RFT1: variants seen among roughly 807,000 people sequenced by gnomAD.
The protein encoded by RFT1 is man(5)GlcNAc(2)-PP-dolichol translocation protein RFT1.
Under a neutral mutation model 62.2 loss-of-function variants are expected in RFT1, and 43 were observed. The ratio of observed to expected loss-of-function variants is 0.69; its 90% CI spans 0.54 to 0.89. The LOEUF is 0.89. Among genes scored for constraint, RFT1 ranks in the 40% least tolerant of loss-of-function variants. The pLI is 0.00. For missense variants in RFT1, 605 were observed against 649.9 expected, an observed-to-expected ratio of 0.93 and a Z score of 0.75; for synonymous variants, 262 against 264.6, an observed-to-expected ratio of 0.99 and a Z score of 0.10.
At chr3:53,083,735 C>T (rs1454789729), downstream of RFT1, among the ~76,000 whole-genome samples, 2 of 152,246 alleles carry the variant, frequency 1.3e-5, no homozygotes, top group African/African-American at 2.4e-5. Context: ...CAGAGCTCCA[C>T]ATGGTTTCCA....
chr3:53,122,511 G>A lies in RFT1; in HGVS notation c.319C>T (p.Leu107=). The stretch of plus-strand genomic sequence containing the variant: ...ACATTAGGATCAGGCACTTCAAGCA[G>A]CTGCAACCAGATCCAGCCCAGGAAT... ...SLFLGWIWLQ[L]LEVPDPNVVP... Residue 107 remains leucine, a synonymous_variant, in exon 4 of 13, where the codon CTG becomes TTG. Transcript: ENST00000296292. The A allele has an allele frequency of 1.2e-6, 2 of 1,613,780 alleles. No individual in the cohort carries two copies. The highest frequency in any genetic ancestry group is 1.7e-6 in the Non-Finnish European group (2 of 1,179,848).
chr3:53,115,326 G>A (rs1255584470), intron 6 of RFT1, among the ~76,000 whole-genome samples: 1 of 152,072 alleles, frequency 6.6e-6, no homozygotes, highest in East Asian at 1.9e-4. Context: ...CTGTCTCATG[G>A]AGCCAGTATG....
chr3:53,070,604 T>C, the RFT1 span, among the ~76,000 whole-genome samples: 5 of 152,052 alleles, frequency 3.3e-5, no homozygotes, highest in Admixed American at 6.5e-5. Flanking sequence ...GGTTCCACCA[T>C]GTTGGCCAGG....
chr3:53,097,409 C>T (rs1316494132), intron 11 of RFT1, among the ~76,000 whole-genome samples: 2 of 152,300 alleles, frequency 1.3e-5, no homozygotes, highest in Non-Finnish European at 2.9e-5. Context: ...GGTGAGTTAC[C>T]CCACATGGGA....
the RFT1 span, among the ~76,000 whole-genome samples, chr3:53,076,185 G>A: frequency 9.2e-5 from 14 of 152,234 alleles, no homozygotes; most frequent in African/African-American, 2.2e-4. Context: ...CTGGGCAGGC[G>A]GTTGGCCCTT....
chr3:53,130,206 C>T, intron 1 of RFT1, 132 bp downstream of exon 1: 1 of 919,924 alleles, frequency 1.1e-6, no homozygotes, highest in South Asian at 1.4e-5. Context: ...CCGGTCGACC[C>T]CCCCACCCCC....
chr3:53,084,626 G>C (rs1286369892), downstream of RFT1, among the ~76,000 whole-genome samples: 1 of 152,210 alleles, frequency 6.6e-6, no homozygotes, highest in Non-Finnish European at 1.5e-5. Context: ...ACCTGTGATG[G>C]GGCACTGCAG....
At chr3:53,129,446 C>G (rs1047997958) in intron 1 of RFT1, among the ~76,000 whole-genome samples, 2 of 152,056 alleles carry the variant, frequency 1.3e-5, no homozygotes, top group African/African-American at 4.8e-5. Context: ...CAAACTCAAG[C>G]CCCATTCTGC....
rs553625688 is a variant in RFT1 at position 53,098,432 on chromosome 3, C to T, written c.1208+949G>A. ...GAGGGGGAAGGGTCCCCATTTGAGA[C>T]ACTCCCTCCCCATCCCACCCCATGG... On this transcript the variant is annotated intron_variant, in intron 11 of 12. Transcript: ENST00000296292. 3.9e-5 allele frequency among the ~76,000 whole-genome samples: 6 copies of T among 152,270 alleles called. No individual in the cohort carries two copies. In the East Asian group the frequency reaches 1.2e-3, roughly 29 times the overall value.
At chr3:53,099,711 G>A (rs898497650) in intron 10 of RFT1, among the ~76,000 whole-genome samples, 1 of 152,222 alleles carries the variant, frequency 6.6e-6, no homozygotes, top group Non-Finnish European at 1.5e-5. Context: ...GACAGGCTGG[G>A]CACGGTGGCT....
intron 2 of RFT1, 152 bp from the exon 3 acceptor site, chr3:53,123,992 C>T (rs1307803161): frequency 1.5e-5 from 10 of 657,704 alleles, no homozygotes; most frequent in South Asian, 6.7e-5. Flanking sequence ...GACCCCCTAC[C>T]GGTCTGATCC....
At chr3:53,074,912 G>A in the RFT1 span, among the ~76,000 whole-genome samples, 3 of 152,144 alleles carry the variant, frequency 2.0e-5, no homozygotes. Context: ...GGAGAAGCAG[G>A]GACTGGCCCT....
At chr3:53,108,452 C>T (rs764377538) in intron 7 of RFT1, among the ~76,000 whole-genome samples, 104 of 149,452 alleles carry the variant, frequency 7.0e-4, no homozygotes, top group Non-Finnish European at 1.2e-3. Flanking sequence ...TGCAGTGGCA[C>T]GATCTCGTTC....
chr3:53,115,675 C>T (rs1453806327), intron 6 of RFT1, among the ~76,000 whole-genome samples: 1 of 152,232 alleles, frequency 6.6e-6, no homozygotes, highest in Non-Finnish European at 1.5e-5. Context: ...TCTGTGGTCA[C>T]GAATGCCCAT....
At chr3:53,125,106 T>A (rs746087870) in intron 2 of RFT1, among the ~76,000 whole-genome samples, 1 of 152,250 alleles carries the variant, frequency 6.6e-6, no homozygotes, top group Non-Finnish European at 1.5e-5. Flanking sequence ...CAGCACTATG[T>A]AGTGCAAAAC....
At chr3:53,103,364 C>T in intron 10 of RFT1, 2 of 627,124 alleles carry the variant, frequency 3.2e-6, no homozygotes, top group Non-Finnish European at 4.0e-6. Flanking sequence ...ATGAAGTCCC[C>T]AAGACCTAAC....
At chr3:53,104,693 G>A (rs1192503761) in intron 9 of RFT1, among the ~76,000 whole-genome samples, 1 of 152,206 alleles carries the variant, frequency 6.6e-6, no homozygotes, top group Non-Finnish European at 1.5e-5. Context: ...GAGATATTGT[G>A]CATAAACTGT....
intron 9 of RFT1, 84 bp downstream of exon 9, chr3:53,105,589 G>C (rs570429921): frequency 2.7e-6 from 4 of 1,496,712 alleles, no homozygotes; most frequent in South Asian, 1.1e-5. Flanking sequence ...TCAAACAGAA[G>C]AGAAACAGAC....
chr3:53,098,788 C>T (rs1051022694), intron 11 of RFT1, among the ~76,000 whole-genome samples: 57 of 106,188 alleles, frequency 5.4e-4, no homozygotes, highest in Non-Finnish European at 7.4e-4. Context: ...GGCGACAGAG[C>T]GAGACTCCAT....
Sources: allele counts gnomAD v4.1 joint callset (sites outside exome capture counted in the v4.1 genomes callset), GRCh38; gene constraint gnomAD v4.1.1; transcripts MANE v1.5; gene names NCBI Gene and HGNC (gene_info 2026-07-23, HGNC 2026-07-21).